Variants in SMN1 observed in about 807,000 individuals in gnomAD.
The protein encoded by SMN1 is survival motor neuron protein.
For missense variants in SMN1, 15 were observed against 17.1 expected, an observed-to-expected ratio of 0.88 and a Z score of 0.22; for synonymous variants, 3 against 5.1, an observed-to-expected ratio of 0.58 and a Z score of 0.56.
At chr5:70,959,939 C>T in the SMN1 span, among the ~76,000 whole-genome samples, 1 of 108,850 alleles carries the variant, frequency 9.2e-6, no homozygotes, top group Non-Finnish European at 1.9e-5. Context: ...CCGTGCCCGA[C>T]CTACATTTAA....
At chr5:70,960,096 A>G in the SMN1 span, among the ~76,000 whole-genome samples, 1 of 149,946 alleles carries the variant, frequency 6.7e-6, no homozygotes, top group Non-Finnish European at 1.5e-5. Context: ...AAAAATGATT[A>G]TCTCATATTT....
rs1465513917 is a variant in SMN1, at chr5:70,951,280, TA to T, written c.835-660del. 4.0e-5 allele frequency among the ~76,000 whole-genome samples: 6 copies of T among 150,112 alleles called. No homozygotes were observed. The East Asian group carries it at 8.1e-4, about 20-fold the overall frequency. On this transcript the variant is annotated intron_variant, in intron 7 of 8. Coordinates refer to ENST00000380707, the MANE Select transcript of SMN1 (RefSeq NM_000344.4). ...TGGCTAATTTTTATTTTTATTTATT[TA>T]TTTTTTTTTGAGACAGAGTCTTGCT...
At chr5:70,959,431 A>G in the SMN1 span, among the ~76,000 whole-genome samples, 1 of 137,000 alleles carries the variant, frequency 7.3e-6, no homozygotes, top group African/African-American at 2.6e-5. Flanking sequence ...AGAAAAATGC[A>G]AAAATTAAAA....
intron 7 of SMN1, among the ~76,000 whole-genome samples, chr5:70,951,483 C>G (rs1322727811): frequency 6.6e-6 from 1 of 151,656 alleles, no homozygotes; most frequent in Admixed American, 6.6e-5. Flanking sequence ...CCATGTTGGC[C>G]AGGCTGTTCT....
At chr5:70,950,215 C>A (rs1333252498) in intron 7 of SMN1, among the ~76,000 whole-genome samples, 7 of 148,882 alleles carry the variant, frequency 4.7e-5, no homozygotes, top group Admixed American at 4.1e-4. Flanking sequence ...GTCGGGAGTT[C>A]CAGATCAGCC....
At chr5:70,958,707 G>A (rs1435257614), downstream of SMN1, among the ~76,000 whole-genome samples, 9 of 137,150 alleles carry the variant, frequency 6.6e-5, no homozygotes, top group African/African-American at 1.9e-4. Flanking sequence ...GTTCTTTTAC[G>A]TTTGCTGAGG....
downstream of SMN1, among the ~76,000 whole-genome samples, chr5:70,956,791 C>T (rs1372407659): frequency 3.1e-4 from 46 of 149,260 alleles, no homozygotes; most frequent in African/African-American, 9.0e-4. Context: ...ATTGACTTGG[C>T]GATGCGGGCT....
chr5:70,959,639 A>C, the SMN1 span, among the ~76,000 whole-genome samples: 1 of 25,828 alleles, frequency 3.9e-5, no homozygotes. Context: ...TTGCATTTAA[A>C]TTGTTTTTTT....
At chr5:70,950,441 T>A (rs1216102741) in intron 7 of SMN1, among the ~76,000 whole-genome samples, 6 of 149,880 alleles carry the variant, frequency 4.0e-5, no homozygotes, top group African/African-American at 9.8e-5. Context: ...AGAAAAATAT[T>A]TTTTTAAATT....
At chr5:70,951,920 C>T (rs1292776799) in intron 7 of SMN1, 21 bp from the exon 8 acceptor site, 4 of 1,609,194 alleles carry the variant, frequency 2.5e-6, no homozygotes, top group Admixed American at 1.7e-5. Flanking sequence ...TTTTTTTTAA[C>T]TTCCTTTATT....
At chr5:70,960,126 TG>T in the SMN1 span, among the ~76,000 whole-genome samples, 4 of 150,716 alleles carry the variant, frequency 2.7e-5, 1 homozygote, top group Admixed American at 2.0e-4. Context: ...TATTTTATTG[TG>T]AAGTTCAGCA....
chr5:70,960,794 C>G, the SMN1 span, among the ~76,000 whole-genome samples: 10 of 148,596 alleles, frequency 6.7e-5, no homozygotes, highest in African/African-American at 2.2e-4. Context: ...CTCCCGGGTT[C>G]AAACGATTCT....
intron 7 of SMN1, among the ~76,000 whole-genome samples, chr5:70,950,864 C>A (rs936586266): frequency 5.4e-5 from 8 of 148,452 alleles, no homozygotes; most frequent in African/African-American, 2.0e-4. Context: ...TGGTCTCGAT[C>A]TCCTGACCTT....
At chr5:70,960,864 T>C in the SMN1 span, among the ~76,000 whole-genome samples, 1 of 149,268 alleles carries the variant, frequency 6.7e-6, no homozygotes, top group Non-Finnish European at 1.5e-5. Context: ...CCCAGCATAA[T>C]TTTTGTATTT....
chr5:70,956,813 C>T (rs1173179977), downstream of SMN1, among the ~76,000 whole-genome samples: 7 of 147,726 alleles, frequency 4.7e-5, no homozygotes, highest in Non-Finnish European at 9.0e-5. Context: ...TTTTTTGGTT[C>T]CATATGAACT....
chr5:70,958,876 T>G (rs1749961302), downstream of SMN1, among the ~76,000 whole-genome samples: 1 of 150,164 alleles, frequency 6.7e-6, no homozygotes, highest in Non-Finnish European at 1.5e-5. Flanking sequence ...GAACTAGAAA[T>G]ACCATTTGAC....
downstream of SMN1, among the ~76,000 whole-genome samples, chr5:70,955,477 T>A (rs1486616562): frequency 7.0e-6 from 1 of 142,518 alleles, no homozygotes; most frequent in Non-Finnish European, 1.5e-5. Flanking sequence ...ATTGTGAATT[T>A]TTAAAAAACA....
chr5:70,952,658 C>CA lies in SMN1; in HGVS notation c.*224dup. The CA allele has an allele frequency of 3.4e-6, 1 of 296,918 alleles. No homozygotes were observed. Among genetic ancestry groups the CA allele is most frequent in the South Asian group, 3.1e-5 (1 of 32,182 alleles). 18.4% of individuals were successfully genotyped at this position (296,918 alleles called of 1,614,324 possible). A position where few individuals can be genotyped will look rare whatever the true frequency, so the allele number is the denominator to read the frequency against. ...TTTACTGGACTCTATTTTGAAAAAC[C>CA]ATCTGTAAAAGACTGGGGTGGGGGT... On this transcript the variant is annotated 3_prime_UTR_variant, in exon 9 of 9. Coordinates refer to ENST00000380707, the MANE Select transcript of SMN1 (RefSeq NM_000344.4).
At chr5:70,959,076 A>G in the SMN1 span, among the ~76,000 whole-genome samples, 1 of 150,716 alleles carries the variant, frequency 6.6e-6, no homozygotes, top group African/African-American at 2.4e-5. Flanking sequence ...CTGTGCAACC[A>G]TAAGAAATGA....
Sources: allele counts gnomAD v4.1 joint callset (sites outside exome capture counted in the v4.1 genomes callset), GRCh38; gene constraint gnomAD v4.1.1; transcripts MANE v1.5; gene names NCBI Gene and HGNC (gene_info 2026-07-23, HGNC 2026-07-21).